Variants in TSPAN18 observed in about 807,000 individuals in gnomAD.
TSPAN18 encodes tetraspanin 18.
Under a neutral mutation model 27.3 loss-of-function variants are expected in TSPAN18, and 14 were observed. The observed-to-expected ratio is 0.51, with a 90% CI of 0.34 to 0.80. TSPAN18 has a LOEUF of 0.80. Ranked by LOEUF, TSPAN18 falls within the 30% of genes least tolerant of loss-of-function variation. The pLI, the probability that TSPAN18 is intolerant of heterozygous loss-of-function variation, is 0.01. For synonymous variants in TSPAN18, 143 were observed against 136.5 expected (o/e 1.05, Z -0.33); for missense variants, 268 against 323.9 (o/e 0.83, Z 1.32).
At position 44,918,141 on chromosome 11, in the gene TSPAN18, GA is replaced by G. The variant is rs1186937153; in HGVS notation, c.333+96del. 4 of 1,299,898 alleles carry G rather than the reference GA, an allele frequency of 3.1e-6. No individual in the cohort carries two copies. The African/African-American group carries it at 5.8e-5, about 19-fold the overall frequency. 80.5% of individuals were successfully genotyped at this position (1,299,898 alleles called of 1,614,324 possible). A position where few individuals can be genotyped will look rare whatever the true frequency, so the allele number is the denominator to read the frequency against. ...CTCCTCCCCTCCTTGAAGGGTCTCA[GA>G]GAGTGGGCAGCCTCTCATCTGGCAC... is the stretch of plus-strand genomic sequence containing the variant. On this transcript the variant is annotated intron_variant, in intron 6 of 9. Transcript: ENST00000520358.
chr11:44,860,209 C>G (rs1565180642), intron 2 of TSPAN18, 119 bp from the exon 3 acceptor site: 1 of 152,302 alleles, frequency 6.6e-6, no homozygotes, highest in South Asian at 2.1e-4. Context: ...CACCTGCAGG[C>G]TCCTGCAGTC....
At chr11:44,770,706 C>T (rs1338168535) in intron 2 of TSPAN18, among the ~76,000 whole-genome samples, 1 of 152,082 alleles carries the variant, frequency 6.6e-6, no homozygotes, top group Non-Finnish European at 1.5e-5. Flanking sequence ...GGCAGGGAGA[C>T]CAGTACAAAC....
At chr11:44,769,132 T>A (rs1855634061) in intron 2 of TSPAN18, among the ~76,000 whole-genome samples, 1 of 152,184 alleles carries the variant, frequency 6.6e-6, no homozygotes, top group Non-Finnish European at 1.5e-5. Context: ...CCTGACCTCG[T>A]GATCCACCTG....
intron 2 of TSPAN18, among the ~76,000 whole-genome samples, chr11:44,788,349 AG>A (rs1256765874): frequency 2.0e-5 from 3 of 152,052 alleles, no homozygotes; most frequent in African/African-American, 7.2e-5. Context: ...AGTGCAACCG[AG>A]GGACTAGCTT....
chr11:44,871,016 A>G (rs918219716), intron 3 of TSPAN18, among the ~76,000 whole-genome samples: 1 of 152,164 alleles, frequency 6.6e-6, no homozygotes, highest in Non-Finnish European at 1.5e-5. Flanking sequence ...CTGAGTTGGG[A>G]CTTGAAAGAT....
At chr11:44,869,697 G>A (rs188381009) in intron 3 of TSPAN18, among the ~76,000 whole-genome samples, 1 of 152,126 alleles carries the variant, frequency 6.6e-6, no homozygotes, top group Non-Finnish European at 1.5e-5. Flanking sequence ...CTCAGAGGCC[G>A]CAGACCACAG....
At chr11:44,768,609 G>A (rs1003713019) in intron 2 of TSPAN18, among the ~76,000 whole-genome samples, 4 of 151,914 alleles carry the variant, frequency 2.6e-5, no homozygotes, top group African/African-American at 9.7e-5. Context: ...TCTTATTGCA[G>A]TAGCTAGGAC....
rs537824647 is a variant in TSPAN18 at position 44,799,810 on chromosome 11, C to T, written c.-153+35298C>T. ...TCAGAGCTGCTCTTAACAACCCATG[C>T]ATTTATTAGAATGCTTGGCAAGTAT... On this transcript the variant is annotated intron_variant, in intron 2 of 9. Coordinates refer to ENST00000520358, the MANE Select transcript of TSPAN18 (RefSeq NM_130783.5). Among the ~76,000 whole-genome samples the T allele has an allele frequency of 4.6e-5, 7 of 152,266 alleles. No homozygotes were observed. In the South Asian group the frequency reaches 1.5e-3, roughly 32 times the overall value.
intron 2 of TSPAN18, among the ~76,000 whole-genome samples, chr11:44,831,316 G>A (rs186030005): frequency 6.6e-6 from 1 of 152,276 alleles, no homozygotes. Context: ...CTCAGGAACC[G>A]ATGAAGAGGT....
chr11:44,810,636 G>A (rs1295502341), intron 2 of TSPAN18, among the ~76,000 whole-genome samples: 1 of 136,106 alleles, frequency 7.3e-6, no homozygotes, highest in Non-Finnish European at 1.5e-5. Context: ...GGGTCTCACT[G>A]TGCCACCCAA....
At chr11:44,814,314 C>T (rs1412183765) in intron 2 of TSPAN18, among the ~76,000 whole-genome samples, 1 of 152,128 alleles carries the variant, frequency 6.6e-6, no homozygotes, top group East Asian at 1.9e-4. Context: ...CTCTTCCCAT[C>T]CCCCAGATAG....
At chr11:44,731,040 G>C (rs2134789042) in intron 1 of TSPAN18, among the ~76,000 whole-genome samples, 1 of 152,330 alleles carries the variant, frequency 6.6e-6, no homozygotes, top group South Asian at 2.1e-4. Context: ...CTTGCCCCTG[G>C]TCTGCACCCA....
chr11:44,743,429 GTCTC>G (rs1264992578), intron 1 of TSPAN18, among the ~76,000 whole-genome samples: 4 of 152,314 alleles, frequency 2.6e-5, no homozygotes, highest in South Asian at 2.1e-4. Flanking sequence ...TTCCAGCCCT[GTCTC>G]TCTCTGGTTT....
chr11:44,785,351 A>G (rs1310394122), intron 2 of TSPAN18, among the ~76,000 whole-genome samples: 1 of 151,778 alleles, frequency 6.6e-6, no homozygotes, highest in Non-Finnish European at 1.5e-5. Context: ...AATGTTTTCT[A>G]TTCATTTATA....
chr11:44,877,684 T>G (rs1169274094), intron 3 of TSPAN18, among the ~76,000 whole-genome samples: 2 of 151,942 alleles, frequency 1.3e-5, no homozygotes, highest in East Asian at 3.9e-4. Context: ...GCTACGAAAA[T>G]AGGATGGGTT....
intron 2 of TSPAN18, among the ~76,000 whole-genome samples, chr11:44,854,620 T>A (rs1857688947): frequency 6.6e-6 from 1 of 152,202 alleles, no homozygotes; most frequent in Non-Finnish European, 1.5e-5. Context: ...CCACTTGGGC[T>A]GAGGCCCCGG....
chr11:44,846,620 A>G (rs374039383), intron 2 of TSPAN18, among the ~76,000 whole-genome samples: 2 of 86,972 alleles, frequency 2.3e-5, no homozygotes, highest in Non-Finnish European at 4.9e-5. Context: ...GTGTGTGTCT[A>G]TGTGTCTATG....
chr11:44,893,429 C>G (rs1244847124), intron 3 of TSPAN18, among the ~76,000 whole-genome samples: 1 of 152,224 alleles, frequency 6.6e-6, no homozygotes, highest in African/African-American at 2.4e-5. Flanking sequence ...GGTGCCAGCA[C>G]CAGGCACGCC....
At chr11:44,786,249 G>A (rs568786600) in intron 2 of TSPAN18, among the ~76,000 whole-genome samples, 1 of 152,354 alleles carries the variant, frequency 6.6e-6, no homozygotes, top group Admixed American at 6.5e-5. Context: ...GCAGACTGAG[G>A]CTCAGAGGAT....
Sources: gnomAD v4.1 joint callset for allele counts (sites outside exome capture counted in the v4.1 genomes callset) on GRCh38, gnomAD v4.1.1 for gene constraint, MANE v1.5 for transcripts, NCBI Gene and HGNC (gene_info 2026-07-23, HGNC 2026-07-21) for gene names.